The following GNAQ variants were observed in gnomAD, a reference collection of about 807,000 sequenced individuals.
The protein encoded by GNAQ is guanine nucleotide-binding protein G(q) subunit alpha.
In GNAQ, 8 loss-of-function variants were observed where a neutral mutation model predicts 43.9. The observed-to-expected ratio is 0.18, with a 90% confidence interval of 0.11 to 0.33. GNAQ has a LOEUF of 0.33. GNAQ is among the 10% of genes least tolerant of loss of function. The pLI, the probability that GNAQ is intolerant of heterozygous loss-of-function variation, is 1.00. For missense variants in GNAQ, 158 were observed against 450.8 expected (o/e 0.35, Z 5.88); for synonymous variants, 155 against 170.7 (o/e 0.91, Z 0.71).
At chr9:77,838,424 G>A (rs1325717176) in intron 2 of GNAQ, among the ~76,000 whole-genome samples, 1 of 151,980 alleles carries the variant, frequency 6.6e-6, no homozygotes, top group African/African-American at 2.4e-5. Flanking sequence ...TTACAGGCAT[G>A]AGCCACCACG....
At chr9:77,991,525 CCTT>C (rs1326004033) in intron 1 of GNAQ, among the ~76,000 whole-genome samples, 2 of 152,168 alleles carry the variant, frequency 1.3e-5, no homozygotes, top group South Asian at 2.1e-4. Flanking sequence ...CCTGCTCATT[CCTT>C]CTTCAACTCC....
intron 5 of GNAQ, among the ~76,000 whole-genome samples, chr9:77,762,447 G>A (rs1435691449): frequency 4.5e-4 from 62 of 136,644 alleles, no homozygotes; most frequent in Middle Eastern, 4.1e-3. Context: ...CCCCCGCCTG[G>A]CCAGCCGCCC....
intron 1 of GNAQ, among the ~76,000 whole-genome samples, chr9:78,000,806 C>A (rs1386736577): frequency 2.6e-5 from 4 of 152,126 alleles, no homozygotes; most frequent in Non-Finnish European, 5.9e-5. Context: ...ACTAAAATAA[C>A]CTTTTCTCTT....
intron 1 of GNAQ, among the ~76,000 whole-genome samples, chr9:78,017,423 C>T (rs1823853127): frequency 6.6e-6 from 1 of 152,134 alleles, no homozygotes; most frequent in Non-Finnish European, 1.5e-5. Context: ...GCAAGACATC[C>T]TACATATTAC....
chr9:77,775,816 T>C (rs1826298919), intron 5 of GNAQ, among the ~76,000 whole-genome samples: 1 of 152,160 alleles, frequency 6.6e-6, no homozygotes, highest in Non-Finnish European at 1.5e-5. Context: ...GTTTAGATAC[T>C]TGGGGCGCTG....
At chr9:77,758,979 A>T (rs936019378) in intron 5 of GNAQ, among the ~76,000 whole-genome samples, 9 of 152,244 alleles carry the variant, frequency 5.9e-5, no homozygotes, top group Admixed American at 2.0e-4. Context: ...AAAAATTAAA[A>T]GCAGCCTATT....
At chr9:77,919,387 TAATC>T (rs1384480405) in intron 2 of GNAQ, among the ~76,000 whole-genome samples, 1 of 152,130 alleles carries the variant, frequency 6.6e-6, no homozygotes, top group African/African-American at 2.4e-5. Context: ...CAAGTCACCA[TAATC>T]AATACAAGCT....
chr9:77,842,113 A>G (rs1827501607), intron 2 of GNAQ, among the ~76,000 whole-genome samples: 1 of 152,232 alleles, frequency 6.6e-6, no homozygotes, highest in Non-Finnish European at 1.5e-5. Flanking sequence ...TTAAGAAATT[A>G]TATTAAGGTG....
At chr9:77,889,997 A>G (rs1828375441) in intron 2 of GNAQ, among the ~76,000 whole-genome samples, 1 of 152,250 alleles carries the variant, frequency 6.6e-6, no homozygotes, top group African/African-American at 2.4e-5. Context: ...TAAAACTACA[A>G]GTTAGTTACT....
Position 77,718,251 on chromosome 9 carries a change from G to A in GNAQ, c.*3072C>T, listed in dbSNP as rs569130578. 1.6e-4 allele frequency: 38 copies of A among 232,524 alleles called. 1 individual carries two copies. In the South Asian group the frequency reaches 6.7e-3, roughly 41 times the overall value. The allele number at this position is 232,524 out of a possible 1,614,324, so 14.4% of individuals were successfully genotyped here. On this transcript the variant is annotated 3_prime_UTR_variant, in exon 7 of 7. Transcript: ENST00000286548. Reference sequence around the variant, plus strand: ...GAGGCCAGTGGCACACGCTTATAACGCTTGCAATCACAATATAATATAAAG... The same window carrying A: ...GAGGCCAGTGGCACACGCTTATAACACTTGCAATCACAATATAATATAAAG...
chr9:78,016,757 G>A (rs1285808969), intron 1 of GNAQ, among the ~76,000 whole-genome samples: 2 of 151,930 alleles, frequency 1.3e-5, no homozygotes, highest in South Asian at 2.1e-4. Flanking sequence ...GATAAGTTCA[G>A]GCATCTGTTA....
At chr9:77,816,209 A>G (rs1364181922) in intron 2 of GNAQ, among the ~76,000 whole-genome samples, 5 of 152,220 alleles carry the variant, frequency 3.3e-5, no homozygotes, top group African/African-American at 4.8e-5. Context: ...GTCTAAGCAG[A>G]AACTCAATCA....
intron 1 of GNAQ, among the ~76,000 whole-genome samples, chr9:78,001,695 G>C (rs897730900): frequency 1.1e-4 from 16 of 151,658 alleles, no homozygotes; most frequent in African/African-American, 3.9e-4. Context: ...CATTTACTGA[G>C]ACCCTCTCAT....
At chr9:77,915,130 C>T (rs1396813395) in intron 2 of GNAQ, among the ~76,000 whole-genome samples, 3 of 152,194 alleles carry the variant, frequency 2.0e-5, no homozygotes, top group East Asian at 1.9e-4. Context: ...TTGTCTAGTA[C>T]ATTCCTAGCT....
At chr9:77,729,123 C>G (rs1166929838) in intron 5 of GNAQ, among the ~76,000 whole-genome samples, 1 of 152,116 alleles carries the variant, frequency 6.6e-6, no homozygotes, top group African/African-American at 2.4e-5. Context: ...AAAACAGTTA[C>G]TTCTTTGTCA....
At chr9:77,879,366 T>C (rs974377732) in intron 2 of GNAQ, among the ~76,000 whole-genome samples, 1 of 152,008 alleles carries the variant, frequency 6.6e-6, no homozygotes, top group Non-Finnish European at 1.5e-5. Context: ...CGGGTTCAAA[T>C]GATTCTCCTG....
rs554702513 is a variant in GNAQ at position 77,815,255 on chromosome 9, T to A, written c.476+361A>T. On this transcript the variant is annotated intron_variant, in intron 3 of 6. Coordinates refer to ENST00000286548, the MANE Select transcript of GNAQ (RefSeq NM_002072.5). ...GTGTTTTCTAGCACATGAATAAGAT[T>A]GGATTTTCTATCAAAAATTATTATT... Among the ~76,000 whole-genome samples the A allele has an allele frequency of 5.1e-3, 778 of 152,294 alleles. 10 individuals are homozygous for A. Among genetic ancestry groups the A allele is most frequent in the South Asian group, 0.022 (108 of 4,822 alleles).
At chr9:77,723,508 C>T (rs898436821) in intron 6 of GNAQ, among the ~76,000 whole-genome samples, 6 of 151,978 alleles carry the variant, frequency 3.9e-5, no homozygotes, top group South Asian at 2.1e-4. Context: ...AGCTAAAAGG[C>T]GAAAACAATC....
intron 2 of GNAQ, among the ~76,000 whole-genome samples, chr9:77,870,569 G>T (rs931272209): frequency 6.6e-6 from 1 of 151,664 alleles, no homozygotes; most frequent in African/African-American, 2.4e-5. Context: ...CTCGTGATCC[G>T]CCCGCCTTGC....
Sources: gnomAD v4.1 joint callset for allele counts (sites outside exome capture counted in the v4.1 genomes callset) on GRCh38, gnomAD v4.1.1 for gene constraint, MANE v1.5 for transcripts, NCBI Gene and HGNC (gene_info 2026-07-23, HGNC 2026-07-21) for gene names.